Variants in TMEM87B observed in about 807,000 individuals in gnomAD.
TMEM87B encodes transmembrane protein 87B.
Under a neutral mutation model 80.3 loss-of-function variants are expected in TMEM87B, and 83 were observed. The observed-to-expected ratio is 1.03, with a 90% CI of 0.87 to 1.24. The LOEUF is 1.24. Ranked by LOEUF, TMEM87B falls within the 50% of genes most tolerant of loss-of-function variation. The pLI, the probability that TMEM87B is intolerant of heterozygous loss-of-function variation, is 0.00. For missense variants in TMEM87B, 625 were observed against 674.4 expected (o/e 0.93, Z 0.81); for synonymous variants, 219 against 230.5 (o/e 0.95, Z 0.45).
Position 112,105,913 on chromosome 2 carries a change from T to C in TMEM87B, c.1451-89T>C, listed in dbSNP as rs552581402. 307 of 898,382 alleles carry C rather than the reference T, an allele frequency of 3.4e-4. 1 individual carries two copies. The East Asian group carries it at 9.6e-3, about 28-fold the overall frequency. The allele number at this position is 898,382 out of a possible 1,614,324, so 55.7% of individuals were successfully genotyped here. The stretch of plus-strand genomic sequence containing the variant: ...TATTAACCCTCCATTTCTAAAAAGA[T>C]ATAGTATTTTTTCTTATCAGATTAT... On this transcript the variant is annotated intron_variant, in intron 15 of 18. Transcript: ENST00000283206.
chr2:112,081,438 C>T lies in TMEM87B; in HGVS notation c.758C>T (p.Ala253Val), dbSNP rs775139945. 2 of 1,613,802 alleles carry T rather than the reference C, an allele frequency of 1.2e-6. No individual in the cohort carries two copies. The highest frequency in any genetic ancestry group is 2.2e-5 in the South Asian group (2 of 90,994). Residue 253 changes from alanine to valine, a missense_variant, in exon 8 of 19, where the codon GCA (alanine) becomes GTA (valine). Ala to Val is a moderately conservative substitution (Grantham distance 64). Coordinates refer to ENST00000283206, the MANE Select transcript of TMEM87B (RefSeq NM_032824.3). ...KDILRIQFWI[A>V]AVIFLGMLEK... ...ATATTAAGAATCCAGTTCTGGATTG[C>T]AGCTGTTATTTTTTTGGGAATGCTT...
Position 112,081,528 on chromosome 2 carries a change from G to T in TMEM87B, c.838+10G>T, listed in dbSNP as rs1678998922. On this transcript the variant is annotated intron_variant, in intron 8 of 18. Transcript: ENST00000283206. ...AACACTGGACTGTCAAGTAAGTTTT[G>T]ACTGTCTCTGTAAATATAGTATGAT... The T allele has an allele frequency of 3.1e-6, 5 of 1,596,596 alleles. No homozygotes were observed. In the Admixed American group the frequency reaches 7.0e-5, roughly 22 times the overall value.
rs144562107 is a variant in TMEM87B, at chr2:112,064,398, A to C, written c.318+145A>C. On this transcript the variant is annotated intron_variant, in intron 3 of 18. Transcript: ENST00000283206. ...ATTAATTTTGGGACTTATGGCAATA[A>C]ACCAAGTTACATGCTGAGAATACTA... 4.0e-3 allele frequency: 2,596 copies of C among 643,182 alleles called. 90 individuals carry two copies. The Admixed American group carries it at 0.059, about 15-fold the overall frequency. 39.8% of individuals were successfully genotyped at this position (643,182 alleles called of 1,614,324 possible).
chr2:112,060,879 G>C (rs371783714), intron 2 of TMEM87B, among the ~76,000 whole-genome samples: 31 of 152,226 alleles, frequency 2.0e-4, no homozygotes, highest in African/African-American at 7.2e-4. Flanking sequence ...AAAATGTAAT[G>C]TGAATCATTT....
chr2:112,102,059 G>A (rs2104500016), intron 15 of TMEM87B, among the ~76,000 whole-genome samples: 1 of 152,212 alleles, frequency 6.6e-6, no homozygotes, highest in East Asian at 1.9e-4. Flanking sequence ...TGATTCACTA[G>A]TGAGTCCTTT....
At position 112,080,771 on chromosome 2, in the gene TMEM87B, G is replaced by A. The variant is rs7573969; in HGVS notation, c.593-286G>A. Among the ~76,000 whole-genome samples the A allele has an allele frequency of 8.8e-3, 1,337 of 152,112 alleles. 26 individuals are homozygous for A. The highest frequency in any genetic ancestry group is 0.03 in the African/African-American group (1,253 of 41,486). On this transcript the variant is annotated intron_variant, in intron 6 of 18. Coordinates refer to ENST00000283206, the MANE Select transcript of TMEM87B (RefSeq NM_032824.3). ...TTGTCTATTTTTGCTTTTGTTGCCC[G>A]TGCTTTTGGGATCAAATCCAAAAAA...
At chr2:112,085,666 T>C (rs1305861030) in intron 8 of TMEM87B, among the ~76,000 whole-genome samples, 2 of 152,188 alleles carry the variant, frequency 1.3e-5, no homozygotes, top group African/African-American at 2.4e-5. Flanking sequence ...AAGAGAACTC[T>C]AGAGGATGTT....
At chr2:112,087,229 A>C (rs1679173827) in intron 9 of TMEM87B, among the ~76,000 whole-genome samples, 1 of 151,898 alleles carries the variant, frequency 6.6e-6, no homozygotes, top group African/African-American at 2.4e-5. Flanking sequence ...CTTCTGCCTC[A>C]GGCTCCCACC....
At position 112,117,248 on chromosome 2, in the gene TMEM87B, T is replaced by C. The variant is rs1680048962; in HGVS notation, c.*1105T>C. ...AAATGTGAATGTTTTGCTGCTTTCA[T>C]GACCAAAGATACAGGGCTAGTGGAC... On this transcript the variant is annotated 3_prime_UTR_variant, in exon 19 of 19. Coordinates refer to ENST00000283206, the MANE Select transcript of TMEM87B (RefSeq NM_032824.3). The C allele has an allele frequency of 6.6e-6, 1 of 152,208 alleles. No individual in the cohort carries two copies. The highest frequency in any genetic ancestry group is 6.5e-5 in the Admixed American group (1 of 15,278). The allele number at this position is 152,208 out of a possible 1,614,324, so 9.4% of individuals were successfully genotyped here.
intron 3 of TMEM87B, among the ~76,000 whole-genome samples, chr2:112,065,665 A>T (rs1678406886): frequency 6.7e-6 from 1 of 149,324 alleles, no homozygotes; most frequent in African/African-American, 2.4e-5. Context: ...AAAAAAAAAA[A>T]AGTTCACCAG....
intron 11 of TMEM87B, chr2:112,095,383 C>G: frequency 2.0e-6 from 2 of 984,408 alleles, no homozygotes; most frequent in Non-Finnish European, 2.4e-6. Context: ...CCTTCCATGG[C>G]AGGAATGATT....
intron 3 of TMEM87B, among the ~76,000 whole-genome samples, chr2:112,066,367 T>G (rs1678437155): frequency 6.6e-6 from 1 of 152,204 alleles, no homozygotes; most frequent in South Asian, 2.1e-4. Context: ...TTTTATATAT[T>G]TTGCTCATAT....
intron 11 of TMEM87B, among the ~76,000 whole-genome samples, 194 bp from the exon 12 acceptor site, chr2:112,096,850 T>C (rs771632037): frequency 1.3e-5 from 2 of 152,264 alleles, no homozygotes; most frequent in Non-Finnish European, 2.9e-5. Flanking sequence ...AATGGTAAAT[T>C]GTAAAAGAAA....
intron 4 of TMEM87B, among the ~76,000 whole-genome samples, chr2:112,074,243 C>G (rs1678743291): frequency 6.6e-6 from 1 of 152,064 alleles, no homozygotes; most frequent in Non-Finnish European, 1.5e-5. Flanking sequence ...CTTTCAGGAG[C>G]TCTTGTAAGG....
chr2:112,081,033 A>G (rs1219744871), intron 6 of TMEM87B, 24 bp from the exon 7 acceptor site: 1 of 1,593,856 alleles, frequency 6.3e-7, no homozygotes, highest in Non-Finnish European at 8.6e-7. Context: ...CTGTTAATTA[A>G]CTCTCTCTTC....
intron 9 of TMEM87B, among the ~76,000 whole-genome samples, chr2:112,087,512 C>T (rs1416387765): frequency 4.6e-5 from 7 of 152,036 alleles, no homozygotes; most frequent in African/African-American, 1.7e-4. Flanking sequence ...TGTCATTTCC[C>T]CCACATCTGG....
At chr2:112,112,705 G>A (rs565161101) in intron 17 of TMEM87B, among the ~76,000 whole-genome samples, 194 bp from the exon 18 acceptor site, 29 of 152,274 alleles carry the variant, frequency 1.9e-4, no homozygotes, top group African/African-American at 7.0e-4. Flanking sequence ...ATTTTCAGTT[G>A]AGTGCTATTG....
At chr2:112,094,928 GAAA>G (rs919286649) in intron 11 of TMEM87B, among the ~76,000 whole-genome samples, 1 of 144,698 alleles carries the variant, frequency 6.9e-6, no homozygotes, top group African/African-American at 2.5e-5. Context: ...TAAATGACAA[GAAA>G]AAAAAAAGCA....
intron 13 of TMEM87B, among the ~76,000 whole-genome samples, chr2:112,098,104 C>T (rs1011471494): frequency 1.2e-4 from 18 of 151,790 alleles, no homozygotes; most frequent in Admixed American, 2.6e-4. Context: ...CCTCCCGAGT[C>T]GAGTGATGTT....
Sources: allele counts gnomAD v4.1 joint callset (sites outside exome capture counted in the v4.1 genomes callset), GRCh38; gene constraint gnomAD v4.1.1; transcripts MANE v1.5; gene names NCBI Gene and HGNC (gene_info 2026-07-23, HGNC 2026-07-21).